Variants in RBMS3 observed in about 807,000 individuals in gnomAD.
The protein encoded by RBMS3 is RNA-binding motif, single-stranded-interacting protein 3.
RBMS3 carries 27 observed loss-of-function variants against 66.8 expected under a neutral mutation model. The ratio of observed to expected loss-of-function variants is 0.40; its 90% confidence interval spans 0.30 to 0.56. RBMS3 has a LOEUF of 0.56. Among genes scored for constraint, RBMS3 ranks in the 20% least tolerant of loss-of-function variants. The pLI is 0.40. For missense variants in RBMS3, 513 were observed against 549.5 expected (o/e 0.93, Z 0.66); for synonymous variants, 188 against 183.0 (o/e 1.03, Z -0.22).
chr3:29,514,730 A>G (rs976699315), intron 3 of RBMS3, among the ~76,000 whole-genome samples: 1 of 143,872 alleles, frequency 7.0e-6, no homozygotes, highest in Non-Finnish European at 1.5e-5. Context: ...TATGATAAGC[A>G]TATATATATG....
chr3:29,997,719 C>T (rs1452758357), intron 14 of RBMS3, among the ~76,000 whole-genome samples: 28 of 152,042 alleles, frequency 1.8e-4, no homozygotes, highest in African/African-American at 6.5e-4. Context: ...AATTCAACAA[C>T]CCTTCATGCT....
intron 8 of RBMS3, among the ~76,000 whole-genome samples, chr3:29,892,740 G>C (rs1417946885): frequency 6.6e-6 from 1 of 151,228 alleles, no homozygotes; most frequent in East Asian, 2.0e-4. Flanking sequence ...CATATGTTTA[G>C]AATTACCTTA....
chr3:29,327,647 A>T (rs779297772), intron 1 of RBMS3, among the ~76,000 whole-genome samples: 6 of 152,228 alleles, frequency 3.9e-5, no homozygotes, highest in Non-Finnish European at 8.8e-5. Flanking sequence ...AATACTCATC[A>T]TAAAATGAGA....
intron 2 of RBMS3, among the ~76,000 whole-genome samples, chr3:29,436,297 T>C (rs1313340313): frequency 6.6e-6 from 1 of 152,164 alleles, no homozygotes; most frequent in Admixed American, 6.5e-5. Flanking sequence ...TAAACCAAAA[T>C]ACAAATACAT....
At chr3:29,309,795 A>G (rs2034260395) in intron 1 of RBMS3, among the ~76,000 whole-genome samples, 1 of 151,650 alleles carries the variant, frequency 6.6e-6, no homozygotes. Context: ...TAATAATTTG[A>G]GGTCATTGTT....
chr3:29,999,746 C>A (rs534917391), intron 14 of RBMS3, among the ~76,000 whole-genome samples: 5 of 147,350 alleles, frequency 3.4e-5, no homozygotes, highest in Non-Finnish European at 1.5e-5. Flanking sequence ...CATCACACAC[C>A]GGGGACTGTT....
chr3:29,528,814 A>G (rs2045238399), intron 3 of RBMS3, among the ~76,000 whole-genome samples: 1 of 152,140 alleles, frequency 6.6e-6, no homozygotes, highest in African/African-American at 2.4e-5. Context: ...GCTCACTGTA[A>G]CTTCTGCCTC....
intron 6 of RBMS3, among the ~76,000 whole-genome samples, chr3:29,840,891 G>T (rs1041575528): frequency 6.6e-6 from 1 of 151,866 alleles, no homozygotes; most frequent in South Asian, 2.1e-4. Flanking sequence ...GAAGTCCAGG[G>T]TTAAAAGTTA....
At chr3:29,819,959 C>T (rs1208134142) in intron 6 of RBMS3, among the ~76,000 whole-genome samples, 1 of 151,962 alleles carries the variant, frequency 6.6e-6, no homozygotes, top group Non-Finnish European at 1.5e-5. Flanking sequence ...CTTTGGAAGG[C>T]CAGTGCAGGT....
At chr3:29,833,805 G>C (rs991839663) in intron 6 of RBMS3, among the ~76,000 whole-genome samples, 3 of 152,008 alleles carry the variant, frequency 2.0e-5, no homozygotes, top group Non-Finnish European at 4.4e-5. Flanking sequence ...TCTGGCGAGA[G>C]ATGTGAACAT....
In RBMS3 at chr3:29,431,301, C is replaced by CTT. The variant is rs548031550; in HGVS notation, c.76-3431_76-3430dup. Among the ~76,000 whole-genome samples, 3 of 132,398 alleles carry CTT rather than the reference C, an allele frequency of 2.3e-5. 1 individual carries two copies. The highest frequency in any genetic ancestry group is 3.1e-5 in the Non-Finnish European group (2 of 63,984). The allele number at this position is 132,398 out of a possible 152,430, so 86.9% of individuals were successfully genotyped here. A position where few individuals can be genotyped will look rare whatever the true frequency, so the allele number is the denominator to read the frequency against. ...TGTTTCTTTCTTTCTTTTTCCTTTTCTTTTTTTTTTTTGACAGAGTCTCAC... is the reference window on the plus strand; with the variant it reads ...TGTTTCTTTCTTTCTTTTTCCTTTTCTTTTTTTTTTTTTTGACAGAGTCTCAC... On this transcript the variant is annotated intron_variant, in intron 1 of 14. Transcript: ENST00000383767.
At chr3:29,899,991 A>T (rs1234078213) in intron 10 of RBMS3, among the ~76,000 whole-genome samples, 1 of 150,166 alleles carries the variant, frequency 6.7e-6, no homozygotes, top group African/African-American at 2.4e-5. Flanking sequence ...CAAGAGAGTG[A>T]GAGAGAGAGA....
At chr3:29,973,259 C>A (rs1697339958) in intron 12 of RBMS3, among the ~76,000 whole-genome samples, 1 of 151,800 alleles carries the variant, frequency 6.6e-6, no homozygotes, top group Admixed American at 6.6e-5. Context: ...TATGAGCAGA[C>A]AAGAAATTCA....
At chr3:29,317,911 G>A (rs2125482945) in intron 1 of RBMS3, among the ~76,000 whole-genome samples, 1 of 151,826 alleles carries the variant, frequency 6.6e-6, no homozygotes, top group East Asian at 1.9e-4. Context: ...GGAGTTTACA[G>A]GACAGCTTTA....
At chr3:29,451,586 T>G (rs1559372308) in intron 2 of RBMS3, among the ~76,000 whole-genome samples, 1 of 152,152 alleles carries the variant, frequency 6.6e-6, no homozygotes. Flanking sequence ...TTTGTTTTTT[T>G]CAGATATTTA....
Position 30,009,889 on chromosome 3 carries a change from T to TA in RBMS3, c.*6034dup, listed in dbSNP as rs545106055. ...CTCAAATATGTTATCTCTTCATATATAAAAAAATAAGTTATTCCATGCTTT... is the reference window on the plus strand; with the variant it reads ...CTCAAATATGTTATCTCTTCATATATAAAAAAAATAAGTTATTCCATGCTTT... On this transcript the variant is annotated 3_prime_UTR_variant, in exon 15 of 15. Transcript: ENST00000383767. 6.6e-5 allele frequency: 10 copies of TA among 152,164 alleles called. No individual in the cohort carries two copies. Among genetic ancestry groups the TA allele is most frequent in the South Asian group, 4.1e-4 (2 of 4,822 alleles). The allele number at this position is 152,164 out of a possible 1,614,324, so 9.4% of individuals were successfully genotyped here.
At chr3:29,519,734 A>G (rs1366556367) in intron 3 of RBMS3, among the ~76,000 whole-genome samples, 1 of 152,076 alleles carries the variant, frequency 6.6e-6, no homozygotes, top group Non-Finnish European at 1.5e-5. Flanking sequence ...TCAAGCTTGG[A>G]CCTCATTTTC....
intron 3 of RBMS3, among the ~76,000 whole-genome samples, chr3:29,518,244 C>T (rs1446144005): frequency 6.6e-6 from 1 of 152,202 alleles, no homozygotes; most frequent in Non-Finnish European, 1.5e-5. Flanking sequence ...TGGAGAAATA[C>T]TAAACCAATA....
intron 6 of RBMS3, among the ~76,000 whole-genome samples, chr3:29,817,328 C>T (rs142754965): frequency 1.4e-3 from 207 of 151,816 alleles, no homozygotes; most frequent in South Asian, 6.0e-3. Context: ...CTCAGTGTCC[C>T]GAGTAACTGG....
Sources: gnomAD v4.1 joint callset for allele counts (sites outside exome capture counted in the v4.1 genomes callset) on GRCh38, gnomAD v4.1.1 for gene constraint, MANE v1.5 for transcripts, NCBI Gene and HGNC (gene_info 2026-07-23, HGNC 2026-07-21) for gene names.